The following EBF4 variants were observed in gnomAD, a reference collection of about 807,000 sequenced individuals.
EBF4 encodes EBF transcription factor 4, also known as transcription factor COE4.
EBF4 carries 34 observed loss-of-function variants against 67.1 expected under a neutral mutation model. The observed-to-expected ratio is 0.51, with a 90% CI of 0.39 to 0.67. The LOEUF (loss-of-function observed/expected upper bound fraction) is 0.67. Ranked by LOEUF, EBF4 falls within the 30% of genes least tolerant of loss-of-function variation. The pLI is 0.00. For missense variants in EBF4, 837 were observed against 873.3 expected, an observed-to-expected ratio of 0.96 and a Z score of 0.52; for synonymous variants, 387 against 377.7, an observed-to-expected ratio of 1.02 and a Z score of -0.29.
At chr20:2,723,247 A>G (rs2087704957) in intron 6 of EBF4, among the ~76,000 whole-genome samples, 1 of 152,168 alleles carries the variant, frequency 6.6e-6, no homozygotes, top group African/African-American at 2.4e-5. Flanking sequence ...GGCTCCCTCA[A>G]AACACTTTTG....
chr20:2,749,521 C>G lies in EBF4; in HGVS notation c.757+3C>G. ...GCGCCGCCTGGACCCCTCCGAAGGTCAGGACCCCCGGCCCAGCCCCGGCCG... is the reference window on the plus strand; with the variant it reads ...GCGCCGCCTGGACCCCTCCGAAGGTGAGGACCCCCGGCCCAGCCCCGGCCG... On this transcript the variant is annotated splice_donor_region_variant and intron_variant, in intron 8 of 16. Transcript: ENST00000609451. The G allele has an allele frequency of 1.9e-6, 3 of 1,544,906 alleles. No homozygotes were observed. The highest frequency in any genetic ancestry group is 2.6e-6 in the Non-Finnish European group (3 of 1,143,766).
chr20:2,698,788 AG>A (rs2087333687), intron 1 of EBF4, among the ~76,000 whole-genome samples: 1 of 152,112 alleles, frequency 6.6e-6, no homozygotes, highest in South Asian at 2.1e-4. Flanking sequence ...CCAGACTCAA[AG>A]ACAAATTAGG....
intron 15 of EBF4, among the ~76,000 whole-genome samples, chr20:2,757,955 C>T (rs1430817195): frequency 6.6e-6 from 1 of 152,112 alleles, no homozygotes; most frequent in Non-Finnish European, 1.5e-5. Context: ...GACTCTGTCT[C>T]AGTAAATAAG....
chr20:2,732,421 C>CTGT (rs1215944741), intron 6 of EBF4, among the ~76,000 whole-genome samples: 1 of 152,208 alleles, frequency 6.6e-6, no homozygotes, highest in African/African-American at 2.4e-5. Context: ...CACACCCGGA[C>CTGT]TGTTATTAGA....
rs1306524181 is a variant in EBF4, at chr20:2,747,416, C to T, written c.558-1133C>T. Among the ~76,000 whole-genome samples, 1 of 152,094 alleles carries T rather than the reference C, an allele frequency of 6.6e-6. No homozygotes were observed. Among genetic ancestry groups the T allele is most frequent in the Non-Finnish European group, 1.5e-5 (1 of 68,028 alleles). On this transcript the variant is annotated intron_variant, in intron 6 of 16. Transcript: ENST00000609451. The surrounding 1 kb of genome is among the most constrained non-coding windows in gnomAD (Gnocchi z 4.6). ...CAGGACCAAGGACCCACCCTCCCAG[C>T]CAACTGCCAGGAAGGAGAGGAGGAC...
chr20:2,739,104 C>G lies in EBF4; in HGVS notation c.558-9445C>G, dbSNP rs2087931284. Among the ~76,000 whole-genome samples the G allele has an allele frequency of 6.6e-6, 1 of 152,138 alleles. No individual in the cohort carries two copies. The highest frequency in any genetic ancestry group is 2.1e-4 in the South Asian group (1 of 4,824). The stretch of plus-strand genomic sequence containing the variant: ...GCAGCCTGGGCCAACCCCACATGGG[C>G]CTGAACTATTACAGTAAGCTCCTCA... On this transcript the variant is annotated intron_variant, in intron 6 of 16. Coordinates refer to ENST00000609451, the Ensembl canonical transcript of EBF4. The surrounding 1 kb of genome is among the most constrained non-coding windows in gnomAD (Gnocchi z 4.5).
chr20:2,736,838 C>T (rs1304248124), intron 6 of EBF4, among the ~76,000 whole-genome samples: 1 of 152,170 alleles, frequency 6.6e-6, no homozygotes, highest in Non-Finnish European at 1.5e-5. Context: ...ACAAAGGACC[C>T]CTAATGAAGA....
chr20:2,746,028 C>T (rs1037552424), intron 6 of EBF4, among the ~76,000 whole-genome samples: 9 of 152,116 alleles, frequency 5.9e-5, no homozygotes, highest in Admixed American at 2.0e-4. Context: ...GCCAAAGGAC[C>T]GAGCACACGA....
At chr20:2,730,795 G>T (rs754044351) in intron 6 of EBF4, among the ~76,000 whole-genome samples, 6 of 152,208 alleles carry the variant, frequency 3.9e-5, no homozygotes, top group Non-Finnish European at 1.5e-5. Context: ...CTGGTAGAAA[G>T]CATTCGCTTT....
In EBF4 at chr20:2,693,743, A is replaced by G. The variant is rs1038543330; in HGVS notation, c.98A>G (p.Gln33Arg). Residue 33 changes from glutamine (Q) to arginine (R), a missense_variant, in exon 1 of 17, where the codon CAG (glutamine) becomes CGG (arginine). Transcript: ENST00000609451. The surrounding 1 kb of genome is among the most constrained non-coding windows in gnomAD (Gnocchi z 4.6). ...CTGGGCTCAGTGCGCTCCTGGATGC[A>G]GGGCGCGGGCATCCTGGACGCCAGC... 5.9e-6 allele frequency: 8 copies of G among 1,351,950 alleles called. No homozygotes were observed. Among genetic ancestry groups the G allele is most frequent in the Non-Finnish European group, 6.6e-6 (7 of 1,055,910 alleles). 83.7% of individuals were successfully genotyped at this position (1,351,950 alleles called of 1,614,324 possible).
chr20:2,757,702 T>C (rs753093248), intron 15 of EBF4, among the ~76,000 whole-genome samples: 56 of 152,146 alleles, frequency 3.7e-4, no homozygotes, highest in Admixed American at 1.3e-4. Flanking sequence ...ATCCTAGCAC[T>C]TTGGCAGGCC....
Position 2,723,596 on chromosome 20 carries a change from G to A in EBF4, c.557+13954G>A, listed in dbSNP as rs920862187. Among the ~76,000 whole-genome samples, 6 of 152,038 alleles carry A rather than the reference G, an allele frequency of 3.9e-5. No homozygotes were observed. The East Asian group carries it at 5.8e-4, about 15-fold the overall frequency. On this transcript the variant is annotated intron_variant, in intron 6 of 16. Coordinates refer to ENST00000609451, the Ensembl canonical transcript of EBF4. ...CATCTCCTGACCTCGTGATCCACCC[G>A]CCTCGGCCTCCCAAAGTGCTGGGAT... is the stretch of plus-strand genomic sequence containing the variant.
At position 2,705,739 on chromosome 20, in the gene EBF4, A is replaced by G; in HGVS notation, c.294+6A>G. ...ACTTCGTGGAAAAGGACCGAGTGAG[A>G]GGCTCATGGGCTTGGCTGGGACTGG... On this transcript the variant is annotated splice_donor_region_variant and intron_variant, in intron 2 of 16. Transcript: ENST00000609451. 6.5e-7 allele frequency: 1 copy of G among 1,547,014 alleles called. No homozygotes were observed. The highest frequency in any genetic ancestry group is 2.5e-5 in the East Asian group (1 of 40,770).
At chr20:2,698,920 C>G (rs1246728280) in intron 1 of EBF4, among the ~76,000 whole-genome samples, 1 of 152,082 alleles carries the variant, frequency 6.6e-6, no homozygotes, top group East Asian at 1.9e-4. Flanking sequence ...GAGGCTCCAG[C>G]CTTGGTCACT....
chr20:2,729,128 A>G (rs1015376624), intron 6 of EBF4, among the ~76,000 whole-genome samples: 9 of 152,114 alleles, frequency 5.9e-5, no homozygotes, highest in African/African-American at 2.2e-4. Context: ...CTATGAATTT[A>G]TTTTGTACAT....
Position 2,741,299 on chromosome 20 carries a change from G to A in EBF4, c.558-7250G>A, listed in dbSNP as rs187655302. 9.2e-5 allele frequency among the ~76,000 whole-genome samples: 14 copies of A among 151,914 alleles called. No homozygotes were observed. In the East Asian group the frequency reaches 1.2e-3, roughly 13 times the overall value. The stretch of plus-strand genomic sequence containing the variant: ...TGCACTCCAGTCTGGGTGACAGAGC[G>A]AGACCCTGACTGAAAAAAAAAAGCA... On this transcript the variant is annotated intron_variant, in intron 6 of 16. Coordinates refer to ENST00000609451, the Ensembl canonical transcript of EBF4.
Position 2,755,636 on chromosome 20 carries a change from C to G in EBF4, c.1550C>G (p.Ser517Cys). The G allele has an allele frequency of 6.6e-7, 1 of 1,515,558 alleles. No homozygotes were observed. The highest frequency in any genetic ancestry group is 9.0e-7 in the Non-Finnish European group (1 of 1,117,278). 93.9% of individuals were successfully genotyped at this position (1,515,558 alleles called of 1,614,324 possible). ...CCGCCCCGCCCCGGAGTCATGCCCT[C>G]TAGCCCCCCGCTGGCGGCTGCCTCC... The change falls in exon 15 of 17, where the codon TCT (serine) becomes TGT (cysteine). Residue 517 changes from serine to cysteine, a missense_variant. Coordinates refer to ENST00000609451, the Ensembl canonical transcript of EBF4. The surrounding 1 kb of genome is among the most constrained non-coding windows in gnomAD (Gnocchi z 4.7).
intron 6 of EBF4, among the ~76,000 whole-genome samples, chr20:2,727,941 C>T (rs1247637037): frequency 6.6e-6 from 1 of 151,972 alleles, no homozygotes; most frequent in Non-Finnish European, 1.5e-5. Flanking sequence ...TTAGGAGTTC[C>T]TTCTATATTC....
Position 2,751,971 on chromosome 20 carries a change from T to C in EBF4, c.1157T>C (p.Val386Ala). Residue 386 changes from valine to alanine, a missense_variant, in exon 12 of 17, where the codon GTG (valine) becomes GCG (alanine). Around this residue, in one of 3 missense-constraint regions of EBF4, gnomAD observed 525 missense variants for 496.5 expected, o/e 1.06. Transcript: ENST00000609451. This position sits in a 1 kb window ranked among gnomAD's most constrained non-coding sequence, Gnocchi z 5.2. ...GACTTGGCAGAAGCCCTGTACGGAG[T>C]GCCCGGCAGTAACCAGGTATGGCGC... 6.5e-7 allele frequency: 1 copy of C among 1,548,364 alleles called. No homozygotes were observed. The highest frequency in any genetic ancestry group is 8.7e-7 in the Non-Finnish European group (1 of 1,146,582).
Sources: gnomAD v4.1 joint callset for allele counts (sites outside exome capture counted in the v4.1 genomes callset) on GRCh38, gnomAD v4.1.1 for gene constraint, gnomAD v4.1.1 regional missense constraint, Gnocchi (gnomAD v3.1) non-coding constraint, MANE v1.5 for transcripts, NCBI Gene and HGNC (gene_info 2026-07-23, HGNC 2026-07-21) for gene names.